GUCY1A1: variants seen among roughly 807,000 people sequenced by gnomAD.
GUCY1A1 encodes guanylate cyclase 1 soluble subunit alpha 1.
Under a neutral mutation model 64.5 loss-of-function variants are expected in GUCY1A1, and 48 were observed. The observed-to-expected ratio is 0.74, with a 90% CI of 0.59 to 0.95. The LOEUF is 0.95. GUCY1A1 is among the 40% of genes least tolerant of loss of function. The pLI is 0.00. For missense variants in GUCY1A1, 804 were observed against 825.3 expected (o/e 0.97, Z 0.32); for synonymous variants, 308 against 303.4 (o/e 1.02, Z -0.16).
In GUCY1A1 at chr4:155,733,447, G is replaced by A. The variant is rs1273690624; in HGVS notation, c.*3216G>A. Among the ~76,000 whole-genome samples the A allele has an allele frequency of 6.6e-6, 1 of 151,546 alleles. No individual in the cohort carries two copies. Among genetic ancestry groups the A allele is most frequent in the Non-Finnish European group, 1.5e-5 (1 of 67,788 alleles). Reference sequence around the variant, plus strand: ...GGAGAATAAGGACAAAAGACCATCTGGGCAAAAATCACGAAGGGGTATGTG... The same window carrying A: ...GGAGAATAAGGACAAAAGACCATCTAGGCAAAAATCACGAAGGGGTATGTG... On this transcript the variant is annotated 3_prime_UTR_variant, in exon 10 of 10. Transcript: ENST00000506455.
chr4:155,698,466 TGAAATGAACA>T (rs1450404278), intron 3 of GUCY1A1, among the ~76,000 whole-genome samples: 1 of 151,984 alleles, frequency 6.6e-6, no homozygotes, highest in Non-Finnish European at 1.5e-5. Flanking sequence ...AAGGACAGAG[TGAAATGAACA>T]GAAATGAACC....
chr4:155,672,315 A>G (rs1417831804), intron 2 of GUCY1A1, among the ~76,000 whole-genome samples: 3 of 152,172 alleles, frequency 2.0e-5, no homozygotes, highest in Non-Finnish European at 4.4e-5. Flanking sequence ...ACTATCTACA[A>G]TGCTGAACTG....
intron 9 of GUCY1A1, among the ~76,000 whole-genome samples, chr4:155,726,433 C>A (rs2126987355): frequency 6.6e-6 from 1 of 152,010 alleles, no homozygotes; most frequent in East Asian, 1.9e-4. Flanking sequence ...TAGTTTTACT[C>A]AAACTATAGT....
intron 2 of GUCY1A1, among the ~76,000 whole-genome samples, chr4:155,684,907 A>G (rs909075140): frequency 5.9e-5 from 9 of 152,170 alleles, no homozygotes; most frequent in Admixed American, 1.3e-4. Flanking sequence ...CATGCCCAAC[A>G]ACCTGATCTT....
chr4:155,719,308 G>A lies in GUCY1A1; in HGVS notation c.1716+2006G>A, dbSNP rs541308206. Reference sequence around the variant, plus strand: ...ATATCTGACGTCCCTAAAAGATACCGGTGAAACATCACAGAGGCAGAGTGG... The same window carrying A: ...ATATCTGACGTCCCTAAAAGATACCAGTGAAACATCACAGAGGCAGAGTGG... On this transcript the variant is annotated intron_variant, in intron 8 of 9. Transcript: ENST00000506455. Among the ~76,000 whole-genome samples the A allele has an allele frequency of 5.9e-5, 9 of 152,180 alleles. 1 individual carries two copies. In the South Asian group the frequency reaches 1.7e-3, roughly 28 times the overall value.
chr4:155,670,761 A>G (rs1184168497), intron 2 of GUCY1A1, among the ~76,000 whole-genome samples: 1 of 152,186 alleles, frequency 6.6e-6, no homozygotes, highest in Non-Finnish European at 1.5e-5. Context: ...ATATTTCATT[A>G]AAACAAATCC....
In GUCY1A1 at chr4:155,732,349, A is replaced by G. The variant is rs1310994544; in HGVS notation, c.*2118A>G. ...TAAATAAAAAATTACCAAAAAACAT[A>G]TTTTCACAGTGAAGTTAAATCATCT... On this transcript the variant is annotated 3_prime_UTR_variant, in exon 10 of 10. Transcript: ENST00000506455. The G allele has an allele frequency of 2.0e-5, 3 of 151,960 alleles. No individual in the cohort carries two copies. The highest frequency in any genetic ancestry group is 7.2e-5 in the African/African-American group (3 of 41,388). 9.4% of individuals were successfully genotyped at this position (151,960 alleles called of 1,614,324 possible).
intron 3 of GUCY1A1, among the ~76,000 whole-genome samples, chr4:155,700,436 A>G (rs1199613011): frequency 6.6e-6 from 1 of 152,202 alleles, no homozygotes; most frequent in Non-Finnish European, 1.5e-5. Context: ...TAAAAAGCCA[A>G]TGAAAATAGT....
At chr4:155,702,445 G>A (rs1443423613) in intron 3 of GUCY1A1, among the ~76,000 whole-genome samples, 1 of 152,070 alleles carries the variant, frequency 6.6e-6, no homozygotes, top group Non-Finnish European at 1.5e-5. Context: ...CTAATTTAAT[G>A]TTACCTTCCT....
intron 2 of GUCY1A1, among the ~76,000 whole-genome samples, chr4:155,679,650 A>G (rs574176652): frequency 1.3e-5 from 2 of 152,304 alleles, no homozygotes; most frequent in Admixed American, 1.3e-4. Flanking sequence ...AACATCTCCC[A>G]TTTCACTCCA....
chr4:155,722,284 T>G, intron 9 of GUCY1A1, 92 bp downstream of exon 9: 1 of 1,509,930 alleles, frequency 6.6e-7, no homozygotes, highest in Non-Finnish European at 8.8e-7. Context: ...TTCATAACTT[T>G]TTTCTTCCTT....
chr4:155,713,259 G>A lies in GUCY1A1; in HGVS notation c.1248G>A (p.Gly416=), dbSNP rs1282987452. Residue 416 remains glycine, a synonymous_variant, in exon 7 of 10, where the codon GGG becomes GGA. Transcript: ENST00000506455. ...HNALRDVVLI[G]EQARAQDGLK... ...CACTGAGGGATGTGGTCTTAATAGGGGAACAAGCCCGAGCTCAAGATGGCC... is the reference window on the plus strand; with the variant it reads ...CACTGAGGGATGTGGTCTTAATAGGAGAACAAGCCCGAGCTCAAGATGGCC... 6.2e-7 allele frequency: 1 copy of A among 1,613,978 alleles called. No homozygotes were observed. The highest frequency in any genetic ancestry group is 8.5e-7 in the Non-Finnish European group (1 of 1,180,000).
intron 2 of GUCY1A1, among the ~76,000 whole-genome samples, chr4:155,681,707 AC>A (rs1200925664): frequency 6.6e-6 from 1 of 152,158 alleles, no homozygotes; most frequent in African/African-American, 2.4e-5. Context: ...CAGTCCTTAA[AC>A]ATGAGGATTC....
intron 2 of GUCY1A1, among the ~76,000 whole-genome samples, chr4:155,688,517 T>G (rs571749971): frequency 1.3e-5 from 2 of 152,310 alleles, no homozygotes; most frequent in East Asian, 3.9e-4. Context: ...CATCAGATTA[T>G]TTTACCTAAA....
intron 6 of GUCY1A1, among the ~76,000 whole-genome samples, chr4:155,712,842 A>G (rs1235903024): frequency 6.6e-6 from 1 of 152,226 alleles, no homozygotes; most frequent in African/African-American, 2.4e-5. Flanking sequence ...CTTAGTGAGA[A>G]AGCCTTGAAG....
At chr4:155,674,538 T>G (rs777724294) in intron 2 of GUCY1A1, among the ~76,000 whole-genome samples, 1 of 151,564 alleles carries the variant, frequency 6.6e-6, no homozygotes, top group East Asian at 1.9e-4. Context: ...AGATTTTTTC[T>G]ATTTTTAAAA....
At chr4:155,693,035 G>C (rs13132319) in intron 2 of GUCY1A1, among the ~76,000 whole-genome samples, 39,076 of 151,666 alleles carry the variant, frequency 0.26, 4,979 homozygotes, top group Middle Eastern at 0.32. Context: ...CTCCAGCCTG[G>C]ATGACAGAGT....
intron 5 of GUCY1A1, among the ~76,000 whole-genome samples, chr4:155,709,933 C>T (rs1732331018): frequency 6.6e-6 from 1 of 152,144 alleles, no homozygotes; most frequent in South Asian, 2.1e-4. Context: ...TAAAAAGACA[C>T]AGACATACAG....
chr4:155,729,810 G>T (rs769036210), intron 9 of GUCY1A1, among the ~76,000 whole-genome samples: 22 of 151,696 alleles, frequency 1.5e-4, no homozygotes, highest in Non-Finnish European at 2.9e-4. Flanking sequence ...ATTTTTTCCA[G>T]TGTAAGTGAA....
Sources: gnomAD v4.1 joint callset for allele counts (sites outside exome capture counted in the v4.1 genomes callset) on GRCh38, gnomAD v4.1.1 for gene constraint, MANE v1.5 for transcripts, NCBI Gene and HGNC (gene_info 2026-07-23, HGNC 2026-07-21) for gene names.